FLVCR1: variants seen among roughly 807,000 people sequenced by gnomAD.
FLVCR1 encodes FLVCR choline and heme transporter 1.
In FLVCR1, 34 loss-of-function variants were observed where a neutral mutation model predicts 53.6. The ratio of observed to expected loss-of-function variants is 0.63; its 90% confidence interval spans 0.48 to 0.84. The LOEUF (loss-of-function observed/expected upper bound fraction) is 0.84. Ranked by LOEUF, FLVCR1 falls within the 40% of genes least tolerant of loss-of-function variation. FLVCR1 has a pLI of 0.00. For synonymous variants in FLVCR1, 300 were observed against 286.3 expected, an observed-to-expected ratio of 1.05 and a Z score of -0.48; for missense variants, 677 against 696.7, an observed-to-expected ratio of 0.97 and a Z score of 0.32.
chr1:212,885,023 A>T (rs1226352556), intron 4 of FLVCR1, among the ~76,000 whole-genome samples: 2 of 152,182 alleles, frequency 1.3e-5, no homozygotes, highest in Non-Finnish European at 2.9e-5. Context: ...AACAAAAATC[A>T]TTGTACTTCT....
intron 2 of FLVCR1, among the ~76,000 whole-genome samples, chr1:212,871,302 T>C (rs912530491): frequency 6.6e-6 from 1 of 152,162 alleles, no homozygotes; most frequent in African/African-American, 2.4e-5. Context: ...AATTAACAAT[T>C]TTGAGAGAGT....
At position 212,871,465 on chromosome 1, in the gene FLVCR1, T is replaced by C. The variant is rs186038822; in HGVS notation, c.884-1213T>C. Among the ~76,000 whole-genome samples the C allele has an allele frequency of 3.6e-4, 55 of 152,302 alleles. 1 individual carries two copies. Among genetic ancestry groups the C allele is most frequent in the Admixed American group, 3.5e-3 (53 of 15,300 alleles). Reference sequence around the variant, plus strand: ...TCACCTAGGCTAGAGTGTAGTGATATGATCCCAGCTCACTGCAGCCTGTAT... The same window carrying C: ...TCACCTAGGCTAGAGTGTAGTGATACGATCCCAGCTCACTGCAGCCTGTAT... On this transcript the variant is annotated intron_variant, in intron 2 of 9. Coordinates refer to ENST00000366971, the MANE Select transcript of FLVCR1 (RefSeq NM_014053.4).
At chr1:212,862,115 A>G (rs1664262111) in intron 1 of FLVCR1, among the ~76,000 whole-genome samples, 1 of 152,100 alleles carries the variant, frequency 6.6e-6, no homozygotes, top group Admixed American at 6.6e-5. Flanking sequence ...TGAACCTCCT[A>G]ATAGTTTGAT....
At chr1:212,882,073 T>G (rs1217831998) in intron 3 of FLVCR1, among the ~76,000 whole-genome samples, 1 of 152,212 alleles carries the variant, frequency 6.6e-6, no homozygotes, top group African/African-American at 2.4e-5. Flanking sequence ...GCTGGTAGTA[T>G]GAACGGATAA....
intron 2 of FLVCR1, among the ~76,000 whole-genome samples, chr1:212,867,131 A>G (rs1664460657): frequency 6.6e-6 from 1 of 152,246 alleles, no homozygotes; most frequent in African/African-American, 2.4e-5. Context: ...CGTGACATGT[A>G]CTAAATTGAT....
Position 212,895,664 on chromosome 1 carries a change from C to A in FLVCR1, c.*374C>A. The A allele has an allele frequency of 6.6e-6, 2 of 302,628 alleles. No homozygotes were observed. The highest frequency in any genetic ancestry group is 6.4e-6 in the Non-Finnish European group (1 of 157,392). 18.7% of individuals were successfully genotyped at this position (302,628 alleles called of 1,614,324 possible). ...AGTGATAATATGGGGTGTTCAGTCC[C>A]CATAAGATATAATAGTTCATGCAGT... is the stretch of plus-strand genomic sequence containing the variant. On this transcript the variant is annotated 3_prime_UTR_variant, in exon 10 of 10. Coordinates refer to ENST00000366971, the MANE Select transcript of FLVCR1 (RefSeq NM_014053.4).
intron 2 of FLVCR1, among the ~76,000 whole-genome samples, chr1:212,872,206 C>G (rs1303970817): frequency 6.6e-6 from 1 of 152,044 alleles, no homozygotes. Flanking sequence ...CCTTGACCTC[C>G]CAGGCTCAAG....
chr1:212,889,443 A>G (rs1466607369), intron 8 of FLVCR1, among the ~76,000 whole-genome samples, 186 bp downstream of exon 8: 2 of 152,206 alleles, frequency 1.3e-5, no homozygotes, highest in Non-Finnish European at 1.5e-5. Flanking sequence ...CAATACAGTT[A>G]CTCTGCATAG....
intron 1 of FLVCR1, among the ~76,000 whole-genome samples, chr1:212,859,907 T>C (rs1368341058): frequency 6.6e-6 from 1 of 152,292 alleles, no homozygotes. Context: ...TGAGAGGTCA[T>C]TGTGAACAGC....
intron 1 of FLVCR1, among the ~76,000 whole-genome samples, chr1:212,861,804 G>A (rs1318247524): frequency 1.3e-5 from 2 of 151,932 alleles, no homozygotes; most frequent in Non-Finnish European, 2.9e-5. Flanking sequence ...CGTGTAGCTG[G>A]GACTACAGGC....
chr1:212,874,252 G>T (rs1005962270), intron 3 of FLVCR1, among the ~76,000 whole-genome samples: 1 of 152,032 alleles, frequency 6.6e-6, no homozygotes, highest in Non-Finnish European at 1.5e-5. Context: ...CAGGTGATCT[G>T]CCCGCCTTGG....
intron 1 of FLVCR1, among the ~76,000 whole-genome samples, chr1:212,860,751 C>G (rs1213371911): frequency 6.6e-6 from 1 of 152,122 alleles, no homozygotes; most frequent in African/African-American, 2.4e-5. Flanking sequence ...ACAGCTGTAT[C>G]ACCAGCATTT....
intron 3 of FLVCR1, among the ~76,000 whole-genome samples, chr1:212,873,797 A>G (rs565321672): frequency 1.8e-4 from 28 of 152,342 alleles, no homozygotes; most frequent in South Asian, 8.3e-4. Flanking sequence ...CTAGTACATA[A>G]ATGTTTTACA....
chr1:212,866,303 T>C (rs1347736571), intron 2 of FLVCR1, among the ~76,000 whole-genome samples: 1 of 151,694 alleles, frequency 6.6e-6, no homozygotes, highest in Admixed American at 6.6e-5. Context: ...GTGTTTTTAG[T>C]AGAGATGGGG....
chr1:212,863,634 C>T, intron 1 of FLVCR1, 91 bp from the exon 2 acceptor site: 1 of 1,058,422 alleles, frequency 9.4e-7, no homozygotes, highest in African/African-American at 1.5e-5. Flanking sequence ...CCTTTATAAA[C>T]ACTAGCTGTC....
At chr1:212,893,289 T>A (rs1172087533) in intron 8 of FLVCR1, among the ~76,000 whole-genome samples, 1 of 152,092 alleles carries the variant, frequency 6.6e-6, no homozygotes. Flanking sequence ...TTTCCTGACC[T>A]TGTGATCTGC....
At position 212,858,489 on chromosome 1, in the gene FLVCR1, G is replaced by A; in HGVS notation, c.37G>A (p.Ala13Thr). ...AGACGATGAGGAGGGGGCGGCGGTGGCGCCCGGACACCCGCTCGCGAAAGG... is the reference window on the plus strand; with the variant it reads ...AGACGATGAGGAGGGGGCGGCGGTGACGCCCGGACACCCGCTCGCGAAAGG... Reference protein sequence around the residue: ...RPDDEEGAAVAPGHPLAKGYL... With the variant: ...RPDDEEGAAVTPGHPLAKGYL... The change falls in exon 1 of 10, where the codon GCG becomes ACG. Residue 13 changes from alanine to threonine, a missense_variant. Ala to Thr is a moderately conservative substitution (Grantham distance 58). Coordinates refer to ENST00000366971, the MANE Select transcript of FLVCR1 (RefSeq NM_014053.4). 6.9e-7 allele frequency: 1 copy of A among 1,444,690 alleles called. No individual in the cohort carries two copies. Among genetic ancestry groups the A allele is most frequent in the Non-Finnish European group, 9.1e-7 (1 of 1,103,356 alleles). The allele number at this position is 1,444,690 out of a possible 1,614,324, so 89.5% of individuals were successfully genotyped here. A position where few individuals can be genotyped will look rare whatever the true frequency, so the allele number is the denominator to read the frequency against.
rs1664123520 is a variant in FLVCR1 at position 212,858,833 on chromosome 1, G to C, written c.381G>C (p.Gln127His). ...YSLVNAFQWI[Q>H]YSIISNVFEG... ...TGGTCAACGCCTTTCAGTGGATCCAGTACAGCATCATTAGCAACGTCTTCG... is the reference window on the plus strand; with the variant it reads ...TGGTCAACGCCTTTCAGTGGATCCACTACAGCATCATTAGCAACGTCTTCG... Residue 127 changes from glutamine to histidine, a missense_variant, in exon 1 of 10, where the codon CAG (glutamine) becomes CAC (histidine). Coordinates refer to ENST00000366971, the MANE Select transcript of FLVCR1 (RefSeq NM_014053.4). 1.2e-6 allele frequency: 2 copies of C among 1,614,228 alleles called. No individual in the cohort carries two copies. The highest frequency in any genetic ancestry group is 1.7e-5 in the Admixed American group (1 of 60,028).
intron 3 of FLVCR1, among the ~76,000 whole-genome samples, chr1:212,878,240 G>C (rs7538797): frequency 0.46 from 70,198 of 151,638 alleles, 17,457 homozygotes; most frequent in East Asian, 0.56. Flanking sequence ...CGGTGGCTCA[G>C]GCCTGTAATC....
Sources: gnomAD v4.1 joint callset for allele counts (sites outside exome capture counted in the v4.1 genomes callset) on GRCh38, gnomAD v4.1.1 for gene constraint, MANE v1.5 for transcripts, NCBI Gene and HGNC (gene_info 2026-07-23, HGNC 2026-07-21) for gene names.